CTNNB1: variants seen among roughly 807,000 people sequenced by gnomAD.
CTNNB1 encodes catenin beta 1.
Under a neutral mutation model 82.5 loss-of-function variants are expected in CTNNB1, and 6 were observed. The observed-to-expected ratio is 0.07, with a 90% confidence interval of 0.04 to 0.14. CTNNB1 has a LOEUF of 0.14. Among genes scored for constraint, CTNNB1 ranks in the 10% least tolerant of loss-of-function variants. The pLI is 1.00. For missense variants in CTNNB1, 529 were observed against 980.4 expected, an observed-to-expected ratio of 0.54 and a Z score of 6.15; for synonymous variants, 312 against 329.7, an observed-to-expected ratio of 0.95 and a Z score of 0.58.
intron 1 of CTNNB1, chr3:41,199,915 A>AGGGGGCGCCGC (rs1175182494): frequency 1.8e-5 from 1 of 54,274 alleles, no homozygotes; most frequent in African/African-American, 7.6e-5. Flanking sequence ...GCTTGCGGGG[A>AGGGGGCGCCGC]GGGGGCGCCG....
At chr3:41,221,279 A>G (rs1432957843) in intron 1 of CTNNB1, 4 of 151,932 alleles carry the variant, frequency 2.6e-5, no homozygotes, top group Non-Finnish European at 5.9e-5. Context: ...TGTTGCTTCT[A>G]GGGTGTAAAG....
chr3:41,224,907 G>T (rs758568335), intron 3 of CTNNB1, 47 bp from the exon 4 acceptor site: 2 of 1,613,714 alleles, frequency 1.2e-6, no homozygotes, highest in African/African-American at 2.7e-5. Flanking sequence ...AAATACTTAG[G>T]TAAATGCTGA....
chr3:41,239,117 C>T lies in CTNNB1; in HGVS notation c.2138-17C>T, dbSNP rs765457679. On this transcript the variant is annotated splice_polypyrimidine_tract_variant and intron_variant, in intron 14 of 14. Transcript: ENST00000349496. Reference sequence around the variant, plus strand: ...CCTTCCTTCTTGCCTATTTTGTTGACACCCTGACTCTTCTAGATCCTAGCT... The same window carrying T: ...CCTTCCTTCTTGCCTATTTTGTTGATACCCTGACTCTTCTAGATCCTAGCT... 1.2e-6 allele frequency: 2 copies of T among 1,608,934 alleles called. No individual in the cohort carries two copies. The highest frequency in any genetic ancestry group is 1.7e-5 in the Admixed American group (1 of 60,002).
At chr3:41,213,716 T>C (rs2077850876) in intron 1 of CTNNB1, among the ~76,000 whole-genome samples, 1 of 152,206 alleles carries the variant, frequency 6.6e-6, no homozygotes, top group Non-Finnish European at 1.5e-5. Context: ...CAAAAAAATA[T>C]ATACTACTGG....
At chr3:41,218,501 A>G (rs1482231855) in intron 1 of CTNNB1, among the ~76,000 whole-genome samples, 2 of 152,214 alleles carry the variant, frequency 1.3e-5, no homozygotes, top group Non-Finnish European at 2.9e-5. Context: ...ATAGGAAAAT[A>G]GTTTTTGTAT....
At chr3:41,212,416 G>C (rs2077814894) in intron 1 of CTNNB1, among the ~76,000 whole-genome samples, 1 of 151,980 alleles carries the variant, frequency 6.6e-6, no homozygotes. Context: ...TCTCATCCCA[G>C]TTTGTGATAT....
intron 6 of CTNNB1, 89 bp from the exon 7 acceptor site, chr3:41,227,119 G>A (rs2125627045): frequency 8.7e-7 from 1 of 1,154,240 alleles, no homozygotes; most frequent in East Asian, 2.3e-5. Context: ...TGAAATTCTT[G>A]TATAATAAAA....
Position 41,238,987 on chromosome 3 carries a change from T to C in CTNNB1, c.2138-147T>C, listed in dbSNP as rs2078507129. On this transcript the variant is annotated intron_variant, in intron 14 of 14. Coordinates refer to ENST00000349496, the MANE Select transcript of CTNNB1 (RefSeq NM_001904.4). Reference sequence around the variant, plus strand: ...TTACTTGGCTAAAGAAAGCTGGAGGTTGAAGAGGCTAGAAAGCGTTGTTTT... The same window carrying C: ...TTACTTGGCTAAAGAAAGCTGGAGGCTGAAGAGGCTAGAAAGCGTTGTTTT... 3 of 725,394 alleles carry C rather than the reference T, an allele frequency of 4.1e-6. No individual in the cohort carries two copies. In the South Asian group the frequency reaches 4.5e-5, roughly 11 times the overall value. The allele number at this position is 725,394 out of a possible 1,614,324, so 44.9% of individuals were successfully genotyped here.
chr3:41,203,765 T>C (rs1575280548), intron 1 of CTNNB1, among the ~76,000 whole-genome samples: 1 of 152,336 alleles, frequency 6.6e-6, no homozygotes, highest in East Asian at 1.9e-4. Flanking sequence ...AAGCTTTCTC[T>C]AGGCTCCTAT....
At position 41,227,676 on chromosome 3, in the gene CTNNB1, T is replaced by C. The variant is rs906614073; in HGVS notation, c.1081+324T>C. 3.3e-5 allele frequency among the ~76,000 whole-genome samples: 5 copies of C among 152,332 alleles called. No homozygotes were observed. The East Asian group carries it at 9.6e-4, about 29-fold the overall frequency. On this transcript the variant is annotated intron_variant, in intron 7 of 14. Coordinates refer to ENST00000349496, the MANE Select transcript of CTNNB1 (RefSeq NM_001904.4). ...ATAGGAGAAAAGACAAATTCTAATA[T>C]AGTACAGTTTTATGTAAAGTGATTG...
intron 1 of CTNNB1, among the ~76,000 whole-genome samples, chr3:41,219,866 T>C (rs2078001301): frequency 6.6e-6 from 1 of 152,142 alleles, no homozygotes; most frequent in East Asian, 1.9e-4. Context: ...GTTGGAATAA[T>C]AGACAAAATG....
chr3:41,221,138 C>T (rs145164533), intron 1 of CTNNB1: 1 of 152,286 alleles, frequency 6.6e-6, no homozygotes, highest in East Asian at 1.9e-4. Context: ...GGTGATAAAG[C>T]TGTTGGAAAA....
chr3:41,234,773 A>C (rs1348088138), intron 10 of CTNNB1: 1 of 169,814 alleles, frequency 5.9e-6, no homozygotes, highest in Non-Finnish European at 1.3e-5. Flanking sequence ...CTGTACTCTT[A>C]ACCACAAAAA....
At chr3:41,224,366 C>G (rs2078123366) in intron 2 of CTNNB1, 160 bp from the exon 3 acceptor site, 6 of 796,318 alleles carry the variant, frequency 7.5e-6, no homozygotes, top group Non-Finnish European at 1.2e-5. Context: ...GGTATTTCAT[C>G]ACTGAGCTAA....
At chr3:41,220,798 T>C (rs1347265373) in intron 1 of CTNNB1, 5 of 152,208 alleles carry the variant, frequency 3.3e-5, no homozygotes, top group African/African-American at 9.6e-5. Flanking sequence ...CTTTATATTT[T>C]TATGTAGCAG....
At chr3:41,212,265 A>G (rs1016221356) in intron 1 of CTNNB1, among the ~76,000 whole-genome samples, 16 of 152,178 alleles carry the variant, frequency 1.1e-4, no homozygotes, top group African/African-American at 3.4e-4. Context: ...ACAGCCAGAT[A>G]TCTGGAACTT....
At chr3:41,210,936 G>A (rs2077768459) in intron 1 of CTNNB1, 1 of 432,762 alleles carries the variant, frequency 2.3e-6, no homozygotes, top group Non-Finnish European at 4.7e-6. Flanking sequence ...ACTACACCAG[G>A]CACCCCACCA....
intron 1 of CTNNB1, among the ~76,000 whole-genome samples, chr3:41,217,880 A>G (rs1297240007): frequency 2.0e-5 from 3 of 152,076 alleles, no homozygotes; most frequent in Non-Finnish European, 4.4e-5. Context: ...TTTTTTGTGT[A>G]CTATGGATAT....
intron 1 of CTNNB1, among the ~76,000 whole-genome samples, chr3:41,223,002 C>T (rs984033223): frequency 9.2e-5 from 14 of 152,036 alleles, no homozygotes; most frequent in Admixed American, 7.9e-4. Context: ...ACCTGGGAGG[C>T]GGAGGTTGCA....
Sources: gnomAD v4.1 joint callset for allele counts (sites outside exome capture counted in the v4.1 genomes callset) on GRCh38, gnomAD v4.1.1 for gene constraint, MANE v1.5 for transcripts, NCBI Gene and HGNC (gene_info 2026-07-23, HGNC 2026-07-21) for gene names.